The following ICAM5 variants were observed in gnomAD, a reference collection of about 807,000 sequenced individuals.
ICAM5 encodes ICAM-5.
ICAM5 carries 38 observed loss-of-function variants against 78.8 expected under a neutral mutation model. The ratio of observed to expected loss-of-function variants is 0.48; its 90% CI spans 0.37 to 0.63. The LOEUF is 0.63. Among genes scored for constraint, ICAM5 ranks in the 30% least tolerant of loss-of-function variants. The pLI is 0.00. For synonymous variants in ICAM5, 544 were observed against 590.9 expected, an observed-to-expected ratio of 0.92 and a Z score of 1.15; for missense variants, 1,059 against 1,303.0, an observed-to-expected ratio of 0.81 and a Z score of 2.88.
chr19:10,291,804 C>A lies in ICAM5; in HGVS notation c.668C>A (p.Thr223Asn). ...AGCTCGGCCCCCAGAGAGCTCCGAA[C>A]CTTCTGTGAGTGGGTGTGGGGAGGA... ...ENSSAPRELR[T>N]FSLSPDAPRL... The change falls in exon 3 of 11, where the codon ACC becomes AAC. Residue 223 changes from threonine (T) to asparagine (N), a missense_variant. Thr to Asn is a moderately conservative substitution (Grantham distance 65, BLOSUM62 0). Around this residue, in one of 3 missense-constraint regions of ICAM5, gnomAD observed 815 missense variants for 952.8 expected, o/e 0.86. Transcript: ENST00000221980. 6.2e-7 allele frequency: 1 copy of A among 1,609,198 alleles called. No individual in the cohort carries two copies. The highest frequency in any genetic ancestry group is 8.5e-7 in the Non-Finnish European group (1 of 1,178,432).
At position 10,293,221 on chromosome 19, in the gene ICAM5, C is replaced by G; in HGVS notation, c.1440C>G (p.Val480=). ...CKAANDQGEA[V]KDVTLTVEYA... ...CGGCCAATGATCAAGGCGAGGCGGT[C>G]AAGGACGTAACGCTAACGGTGGAGT... Residue 480 remains valine (V), a synonymous_variant, in exon 6 of 11, where the codon GTC becomes GTG. Coordinates refer to ENST00000221980, the MANE Select transcript of ICAM5 (RefSeq NM_003259.4). The surrounding 1 kb of genome is among the most constrained non-coding windows in gnomAD (Gnocchi z 5.0). 2 of 1,595,802 alleles carry G rather than the reference C, an allele frequency of 1.3e-6. No individual in the cohort carries two copies. Among genetic ancestry groups the G allele is most frequent in the South Asian group, 2.3e-5 (2 of 88,656 alleles).
chr19:10,290,998 C>G lies in ICAM5; in HGVS notation c.83-74C>G, dbSNP rs80066865. ...CTCCTCCTCCCCGCCCTCTGAGAACCCTTGACTCGACATAGGGGCGCTAAG... is the reference window on the plus strand; with the variant it reads ...CTCCTCCTCCCCGCCCTCTGAGAACGCTTGACTCGACATAGGGGCGCTAAG... On this transcript the variant is annotated intron_variant, in intron 1 of 10. Coordinates refer to ENST00000221980, the MANE Select transcript of ICAM5 (RefSeq NM_003259.4). This position sits in a 1 kb window ranked among gnomAD's most constrained non-coding sequence, Gnocchi z 5.7. 0.045 allele frequency: 67,818 copies of G among 1,498,338 alleles called. 1,744 individuals are homozygous for G. Among genetic ancestry groups the G allele is most frequent in the East Asian group, 0.063 (2,597 of 41,188 alleles). The allele number at this position is 1,498,338 out of a possible 1,614,324, so 92.8% of individuals were successfully genotyped here. A position where few individuals can be genotyped will look rare whatever the true frequency, so the allele number is the denominator to read the frequency against.
chr19:10,292,345 CGCGGCTCCGA>C (rs773122595), intron 4 of ICAM5, 23 bp downstream of exon 4: 1 of 1,561,358 alleles, frequency 6.4e-7, no homozygotes, highest in Non-Finnish European at 8.7e-7. Flanking sequence ...GCGGGGTCTC[CGCGGCTCCGA>C]GGTGGGACCA....
chr19:10,294,060 C>T lies in ICAM5; in HGVS notation c.1732C>T (p.Pro578Ser), dbSNP rs1258432205. The change falls in exon 8 of 11, where the codon CCG (proline) becomes TCG (serine). Residue 578 changes from proline (P) to serine (S), a missense_variant. Physicochemically the swap from Pro to Ser is moderately conservative, Grantham distance 74. Coordinates refer to ENST00000221980, the MANE Select transcript of ICAM5 (RefSeq NM_003259.4). The surrounding 1 kb of genome is among the most constrained non-coding windows in gnomAD (Gnocchi z 7.7). The part of the protein sequence containing the change: ...TVEYGPRFEE[P>S]SCPSNWTWVE... ...CCCAGATGGCCCCAGGTTTGAGGAG[C>T]CGAGCTGCCCCAGCAATTGGACATG... 42 of 1,579,060 alleles carry T rather than the reference C, an allele frequency of 2.7e-5. No individual in the cohort carries two copies. The highest frequency in any genetic ancestry group is 3.6e-5 in the Admixed American group (2 of 55,348).
intron 5 of ICAM5, 46 bp from the exon 6 acceptor site, chr19:10,292,952 C>A (rs2040187370): frequency 6.2e-7 from 1 of 1,608,306 alleles, no homozygotes; most frequent in Non-Finnish European, 8.5e-7. Context: ...GGAGGCGGAG[C>A]CATTTCTTAC....
At chr19:10,291,994 A>G (rs1271736441) in intron 3 of ICAM5, 41 bp from the exon 4 acceptor site, 2 of 1,593,108 alleles carry the variant, frequency 1.3e-6, no homozygotes, top group Admixed American at 3.4e-5. Flanking sequence ...GGACATATTG[A>G]GCGCTCGGAG....
Position 10,292,266 on chromosome 19 carries a change from G to A in ICAM5, c.905G>A (p.Cys302Tyr). 6.2e-7 allele frequency: 1 copy of A among 1,612,610 alleles called. No individual in the cohort carries two copies. Among genetic ancestry groups the A allele is most frequent in the Non-Finnish European group, 8.5e-7 (1 of 1,179,754 alleles). Reference protein sequence around the residue: ...AEQEGARQLVCNVTLGGENRE... With the variant: ...AEQEGARQLVYNVTLGGENRE... ...CAGGAGGGTGCCAGGCAGCTGGTCT[G>A]CAACGTCACCCTGGGGGGCGAAAAC... The change falls in exon 4 of 11, where the codon TGC becomes TAC. Residue 302 changes from cysteine to tyrosine, a missense_variant. Physicochemically the swap from Cys to Tyr is radical, Grantham distance 194. Transcript: ENST00000221980.
At chr19:10,296,113 G>T (rs2145032463) in intron 10 of ICAM5, among the ~76,000 whole-genome samples, 1 of 152,258 alleles carries the variant, frequency 6.6e-6, no homozygotes, top group African/African-American at 2.4e-5. Context: ...GGCTAAGTGT[G>T]GTCACGGGTT....
At chr19:10,295,818 T>C (rs1418832124) in intron 10 of ICAM5, among the ~76,000 whole-genome samples, 2 of 152,080 alleles carry the variant, frequency 1.3e-5, no homozygotes, top group East Asian at 3.9e-4. Flanking sequence ...GGGGACTGAA[T>C]TCAAGGGGAG....
rs2040176079 is a variant in ICAM5 at position 10,291,870 on chromosome 19, A to C, written c.673+61A>C. The C allele has an allele frequency of 2.6e-6, 4 of 1,548,410 alleles. No homozygotes were observed. The Admixed American group carries it at 5.6e-5, about 22-fold the overall frequency. On this transcript the variant is annotated intron_variant, in intron 3 of 10. Coordinates refer to ENST00000221980, the MANE Select transcript of ICAM5 (RefSeq NM_003259.4). ...GGGTCGGTCGGTGTTTAGGAGGTTT[A>C]GAGGTAGATACATCTGAATGCTGAC...
Position 10,296,554 on chromosome 19 carries a change from G to C in ICAM5, c.2713G>C (p.Gly905Arg), listed in dbSNP as rs2040222328. ...AGAEGGPEAA[G>R]GAAESPAEGE... Reference sequence around the variant, plus strand: ...CGCGGAGGGCGGACCCGAGGCGGCGGGGGGCGCGGCCGAGTCGCCGGCGGA... The same window carrying C: ...CGCGGAGGGCGGACCCGAGGCGGCGCGGGGCGCGGCCGAGTCGCCGGCGGA... Residue 905 changes from glycine to arginine, a missense_variant, in exon 11 of 11, where the codon GGG (glycine) becomes CGG (arginine). By Grantham distance (125) the Gly-to-Arg change is moderately radical (BLOSUM62 -2). Transcript: ENST00000221980. 4.9e-6 allele frequency: 6 copies of C among 1,220,604 alleles called. No homozygotes were observed. The highest frequency in any genetic ancestry group is 6.2e-6 in the Non-Finnish European group (6 of 972,894). 75.6% of individuals were successfully genotyped at this position (1,220,604 alleles called of 1,614,324 possible).
chr19:10,296,493 G>T lies in ICAM5; in HGVS notation c.2652G>T (p.Leu884=). Reference sequence around the variant, plus strand: ...AGAGCTCAGGCGAGGCCGTGTGTCTGAACGGAGCGGGCGGCGGCGCTGGCG... The same window carrying T: ...AGAGCTCAGGCGAGGCCGTGTGTCTTAACGGAGCGGGCGGCGGCGCTGGCG... ...EAESSGEAVC[L]NGAGGGAGGA... is the part of the protein sequence containing the mutation. The change falls in exon 11 of 11, where the codon CTG becomes CTT. Residue 884 remains leucine, a synonymous_variant. Coordinates refer to ENST00000221980, the MANE Select transcript of ICAM5 (RefSeq NM_003259.4). 1.6e-6 allele frequency: 2 copies of T among 1,271,690 alleles called. No homozygotes were observed. Among genetic ancestry groups the T allele is most frequent in the Non-Finnish European group, 1.0e-6 (1 of 997,182 alleles). 78.8% of individuals were successfully genotyped at this position (1,271,690 alleles called of 1,614,324 possible).
At position 10,292,050 on chromosome 19, in the gene ICAM5, C is replaced by A. The variant is rs1281582816; in HGVS notation, c.689C>A (p.Ala230Asp). 6.2e-7 allele frequency: 1 copy of A among 1,611,968 alleles called. No homozygotes were observed. Among genetic ancestry groups the A allele is most frequent in the African/African-American group, 1.3e-5 (1 of 74,938 alleles). ...ELRTFSLSPDAPRLAAPRLLE... is the reference protein window; with the variant it reads ...ELRTFSLSPDDPRLAAPRLLE... ...CGACCCCTAGCCCTGTCTCCGGATG[C>A]CCCGCGCCTCGCTGCTCCCCGGCTC... The change falls in exon 4 of 11, where the codon GCC becomes GAC. Residue 230 changes from alanine to aspartate, a missense_variant. Physicochemically the swap from Ala to Asp is moderately radical, Grantham distance 126. Transcript: ENST00000221980.
rs774835810 is a variant in ICAM5 at position 10,291,805 on chromosome 19, C to T, written c.669C>T (p.Thr223=). The T allele has an allele frequency of 5.0e-6, 8 of 1,608,828 alleles. No individual in the cohort carries two copies. In the Admixed American group the frequency reaches 1.0e-4, roughly 21 times the overall value. The change falls in exon 3 of 11, where the codon ACC becomes ACT. Residue 223 remains threonine (T), a synonymous_variant. Coordinates refer to ENST00000221980, the MANE Select transcript of ICAM5 (RefSeq NM_003259.4). ...ENSSAPRELR[T]FSLSPDAPRL... ...GCTCGGCCCCCAGAGAGCTCCGAACCTTCTGTGAGTGGGTGTGGGGAGGAG... is the reference window on the plus strand; with the variant it reads ...GCTCGGCCCCCAGAGAGCTCCGAACTTTCTGTGAGTGGGTGTGGGGAGGAG...
In ICAM5 at chr19:10,294,837, G is replaced by C. The variant is rs1205316533; in HGVS notation, c.2230+197G>C. Among the ~76,000 whole-genome samples, 2 of 152,184 alleles carry C rather than the reference G, an allele frequency of 1.3e-5. No individual in the cohort carries two copies. The highest frequency in any genetic ancestry group is 4.8e-5 in the African/African-American group (2 of 41,428). On this transcript the variant is annotated intron_variant, in intron 9 of 10. Transcript: ENST00000221980. This position sits in a 1 kb window ranked among gnomAD's most constrained non-coding sequence, Gnocchi z 7.7. ...TCCCAACACTTTGGAAGGTTGAGGCGGATGAATCACTTGAGGCCAGGAGTT... is the reference window on the plus strand; with the variant it reads ...TCCCAACACTTTGGAAGGTTGAGGCCGATGAATCACTTGAGGCCAGGAGTT...
At position 10,290,553 on chromosome 19, in the gene ICAM5, G is replaced by A. The variant is rs2040163007; in HGVS notation, c.82+428G>A. 4.8e-6 allele frequency: 1 copy of A among 210,334 alleles called. No homozygotes were observed. The highest frequency in any genetic ancestry group is 1.2e-4 in the South Asian group (1 of 8,036). 13.0% of individuals were successfully genotyped at this position (210,334 alleles called of 1,614,324 possible). A position where few individuals can be genotyped will look rare whatever the true frequency, so the allele number is the denominator to read the frequency against. On this transcript the variant is annotated intron_variant, in intron 1 of 10. Coordinates refer to ENST00000221980, the MANE Select transcript of ICAM5 (RefSeq NM_003259.4). This position sits in a 1 kb window ranked among gnomAD's most constrained non-coding sequence, Gnocchi z 5.7. Reference sequence around the variant, plus strand: ...AGAGCCCTGGCAACCGGGTCCCTCAGCTGTTCCCGCGGTTCCTTCCATGAG... The same window carrying A: ...AGAGCCCTGGCAACCGGGTCCCTCAACTGTTCCCGCGGTTCCTTCCATGAG...
rs2040193261 is a variant in ICAM5, at chr19:10,293,488, T to G, written c.1466-210T>G. Among the ~76,000 whole-genome samples, 1 of 152,026 alleles carries G rather than the reference T, an allele frequency of 6.6e-6. No homozygotes were observed. Among genetic ancestry groups the G allele is most frequent in the Non-Finnish European group, 1.5e-5 (1 of 68,000 alleles). ...GTGGAAAGGCGGGCAGTCCAGAGTG[T>G]TTAAGTTTTTAGACGAAAAAGGCGC... On this transcript the variant is annotated intron_variant, in intron 6 of 10. Transcript: ENST00000221980. This position sits in a 1 kb window ranked among gnomAD's most constrained non-coding sequence, Gnocchi z 5.0.
At chr19:10,296,209 C>T in intron 10 of ICAM5, 130 bp from the exon 11 acceptor site, 1 of 934,774 alleles carries the variant, frequency 1.1e-6, no homozygotes, top group African/African-American at 1.7e-5. Context: ...GGGTTGTCTC[C>T]CTTCTCCCAA....
In ICAM5 at chr19:10,296,637, G is replaced by C. The variant is rs1010338095; in HGVS notation, c.*21G>C. The C allele has an allele frequency of 2.6e-5, 32 of 1,208,860 alleles. No homozygotes were observed. The highest frequency in any genetic ancestry group is 3.1e-5 in the Non-Finnish European group (30 of 970,270). 74.9% of individuals were successfully genotyped at this position (1,208,860 alleles called of 1,614,324 possible). On this transcript the variant is annotated 3_prime_UTR_variant, in exon 11 of 11. Coordinates refer to ENST00000221980, the MANE Select transcript of ICAM5 (RefSeq NM_003259.4). The stretch of plus-strand genomic sequence containing the variant: ...CGTGAGCCCGCTCCCCTCTCCCCGC[G>C]GGCCGGGGGACGCCCCCCAGACTCA...
Sources: allele counts gnomAD v4.1 joint callset (sites outside exome capture counted in the v4.1 genomes callset), GRCh38; gene constraint gnomAD v4.1.1; regional missense constraint gnomAD v4.1.1; non-coding constraint Gnocchi (gnomAD v3.1); transcripts MANE v1.5; gene names NCBI Gene and HGNC (gene_info 2026-07-23, HGNC 2026-07-21).